Variants in IGF2BP2 observed in about 807,000 individuals in gnomAD.
IGF2BP2 encodes the protein insulin-like growth factor 2 mRNA-binding protein 2.
IGF2BP2 carries 17 observed loss-of-function variants against 75.8 expected under a neutral mutation model. That is an observed-to-expected ratio of 0.22 (90% CI 0.15 to 0.34). The LOEUF (loss-of-function observed/expected upper bound fraction) is 0.34. IGF2BP2 is among the 10% of genes least tolerant of loss of function. The probability of loss-of-function intolerance (pLI) is 1.00; values close to 1 mark genes in which losing one functional copy is unlikely to be tolerated. For synonymous variants in IGF2BP2, 288 were observed against 295.6 expected (o/e 0.97, Z 0.26); for missense variants, 516 against 772.4 (o/e 0.67, Z 3.93).
chr3:185,731,250 T>TC lies in IGF2BP2; in HGVS notation c.240-32904_240-32903insG, dbSNP rs1728130427. On this transcript the variant is annotated intron_variant, in intron 2 of 15. Transcript: ENST00000382199. ...GCTGTGTAGCTGCATCACTTTCTTTTTTTTTTTTTTTTTTGAGATGGAGTC... is the reference window on the plus strand; with the variant it reads ...GCTGTGTAGCTGCATCACTTTCTTTTCTTTTTTTTTTTTTTGAGATGGAGTC... Among the ~76,000 whole-genome samples, 4 of 150,134 alleles carry TC rather than the reference T, an allele frequency of 2.7e-5. No individual in the cohort carries two copies. In the South Asian group the frequency reaches 8.5e-4, roughly 32 times the overall value.
At chr3:185,678,353 T>C (rs1055883421) in intron 7 of IGF2BP2, among the ~76,000 whole-genome samples, 3 of 152,188 alleles carry the variant, frequency 2.0e-5, no homozygotes, top group Admixed American at 2.0e-4. Context: ...GTGGTAAAAC[T>C]GTCCTTCAAA....
chr3:185,772,098 T>G (rs1733954619), intron 2 of IGF2BP2, among the ~76,000 whole-genome samples: 1 of 152,188 alleles, frequency 6.6e-6, no homozygotes, highest in African/African-American at 2.4e-5. Flanking sequence ...TTTATGTATT[T>G]ATTTGGTTTC....
chr3:185,692,926 G>A, intron 4 of IGF2BP2, 164 bp from the exon 5 acceptor site: 1 of 610,810 alleles, frequency 1.6e-6, no homozygotes, highest in South Asian at 2.2e-5. Context: ...ACAGTAATTT[G>A]TAATCAATTG....
intron 2 of IGF2BP2, among the ~76,000 whole-genome samples, chr3:185,726,354 A>G (rs1479934230): frequency 1.3e-5 from 2 of 152,342 alleles, no homozygotes; most frequent in East Asian, 3.9e-4. Context: ...GAAATTACAA[A>G]CCCTGCTGGG....
At chr3:185,778,585 T>C (rs910693593) in intron 2 of IGF2BP2, among the ~76,000 whole-genome samples, 3 of 152,202 alleles carry the variant, frequency 2.0e-5, no homozygotes, top group African/African-American at 7.2e-5. Context: ...GCAAGTACTC[T>C]ACAGCTAGTC....
chr3:185,741,678 C>T (rs998057755), intron 2 of IGF2BP2, among the ~76,000 whole-genome samples: 5 of 152,202 alleles, frequency 3.3e-5, no homozygotes, highest in Non-Finnish European at 7.3e-5. Flanking sequence ...ACTGTCATTA[C>T]AAAAATTACA....
At chr3:185,746,433 G>A (rs961654060) in intron 2 of IGF2BP2, among the ~76,000 whole-genome samples, 1 of 152,200 alleles carries the variant, frequency 6.6e-6, no homozygotes. Flanking sequence ...TGTTCTCCCA[G>A]TAAAAGCAGG....
rs1727975317 is a variant in IGF2BP2 at position 185,730,333 on chromosome 3, T to C, written c.240-31986A>G. Reference sequence around the variant, plus strand: ...ATTCCGTGGTATATTTATACCACCTTTTCTTTATCCAATCATCAGTTGATG... The same window carrying C: ...ATTCCGTGGTATATTTATACCACCTCTTCTTTATCCAATCATCAGTTGATG... On this transcript the variant is annotated intron_variant, in intron 2 of 15. Coordinates refer to ENST00000382199, the MANE Select transcript of IGF2BP2 (RefSeq NM_006548.6). Among the ~76,000 whole-genome samples, 5 of 152,308 alleles carry C rather than the reference T, an allele frequency of 3.3e-5. No homozygotes were observed. In the South Asian group the frequency reaches 1.0e-3, roughly 32 times the overall value.
chr3:185,774,730 G>A (rs890278060), intron 2 of IGF2BP2, among the ~76,000 whole-genome samples: 6 of 152,066 alleles, frequency 3.9e-5, no homozygotes, highest in South Asian at 2.1e-4. Context: ...GGGGACGGGC[G>A]TGGTGGCTCA....
chr3:185,753,579 A>G (rs1731225114), intron 2 of IGF2BP2, among the ~76,000 whole-genome samples: 1 of 152,204 alleles, frequency 6.6e-6, no homozygotes, highest in Admixed American at 6.5e-5. Context: ...CACAGCCATC[A>G]CTTCCTGCGG....
At chr3:185,730,868 C>T (rs980706010) in intron 2 of IGF2BP2, among the ~76,000 whole-genome samples, 2 of 152,156 alleles carry the variant, frequency 1.3e-5, no homozygotes, top group African/African-American at 2.4e-5. Flanking sequence ...TTTTTCTCTG[C>T]ATCCACCCCA....
intron 2 of IGF2BP2, among the ~76,000 whole-genome samples, chr3:185,760,269 GT>G (rs1553882474): frequency 6.6e-6 from 1 of 152,014 alleles, no homozygotes; most frequent in Non-Finnish European, 1.5e-5. Flanking sequence ...GTTATGACAC[GT>G]CCCCTGAGAA....
chr3:185,665,188 GAGGAGAAGA>G (rs1165110656), intron 10 of IGF2BP2, among the ~76,000 whole-genome samples: 190 of 136,480 alleles, frequency 1.4e-3, no homozygotes, highest in East Asian at 2.2e-3. Context: ...AAAAAAAAAA[GAGGAGAAGA>G]AGGAGAAGAA....
At chr3:185,662,463 G>A (rs1440476440) in intron 10 of IGF2BP2, among the ~76,000 whole-genome samples, 1 of 142,492 alleles carries the variant, frequency 7.0e-6, no homozygotes, top group East Asian at 2.1e-4. Context: ...GGGTGACAGA[G>A]TGAGACTCCA....
intron 5 of IGF2BP2, among the ~76,000 whole-genome samples, chr3:185,689,967 C>CAAAAAAAAAAAAAAAA (rs5855070): frequency 1.7e-5 from 2 of 118,192 alleles, no homozygotes; most frequent in African/African-American, 6.4e-5. Flanking sequence ...GACTCCGTCT[C>CAAAAAAAAAAAAAAAA]AAAAAAAAAA....
chr3:185,648,428 A>G (rs1713979291), intron 14 of IGF2BP2, among the ~76,000 whole-genome samples: 1 of 148,844 alleles, frequency 6.7e-6, no homozygotes, highest in African/African-American at 2.5e-5. Context: ...GCACCACTGC[A>G]CTCCAGCCTG....
chr3:185,665,389 A>AAGGAGGAGGAGGAGG (rs1717726945), intron 10 of IGF2BP2, among the ~76,000 whole-genome samples: 2 of 56,708 alleles, frequency 3.5e-5, no homozygotes, highest in Non-Finnish European at 7.3e-5. Flanking sequence ...GGAGGAGGAG[A>AAGGAGGAGGAGGAGG]AGGAGGAGGA....
intron 10 of IGF2BP2, among the ~76,000 whole-genome samples, chr3:185,664,063 G>C (rs553096611): frequency 9.8e-5 from 15 of 152,300 alleles, no homozygotes; most frequent in Admixed American, 9.8e-4. Flanking sequence ...TCAGTGTTGT[G>C]GACATAGCTT....
intron 2 of IGF2BP2, among the ~76,000 whole-genome samples, chr3:185,747,719 C>CAT (rs1295457588): frequency 3.3e-5 from 5 of 151,794 alleles, no homozygotes; most frequent in East Asian, 1.9e-4. Context: ...ATATATTGTT[C>CAT]ATATATATAT....
Sources: gnomAD v4.1 joint callset for allele counts (sites outside exome capture counted in the v4.1 genomes callset) on GRCh38, gnomAD v4.1.1 for gene constraint, MANE v1.5 for transcripts, NCBI Gene and HGNC (gene_info 2026-07-23, HGNC 2026-07-21) for gene names.